Variants in GSTCD observed in about 807,000 individuals in gnomAD.
GSTCD encodes the protein glutathione S-transferase C-terminal domain containing, also known as glutathione S-transferase C-terminal domain-containing protein.
In GSTCD, 44 loss-of-function variants were observed where a neutral mutation model predicts 68.3. The observed-to-expected ratio is 0.64, with a 90% CI of 0.51 to 0.83. The LOEUF (loss-of-function observed/expected upper bound fraction) is 0.83. Among genes scored for constraint, GSTCD ranks in the 40% least tolerant of loss-of-function variants. GSTCD has a pLI of 0.00. For synonymous variants in GSTCD, 273 were observed against 255.2 expected (o/e 1.07, Z -0.67); for missense variants, 739 against 735.9 (o/e 1.00, Z -0.05).
intron 1 of GSTCD, among the ~76,000 whole-genome samples, chr4:105,717,122 G>T (rs1164233110): frequency 6.6e-6 from 1 of 152,086 alleles, no homozygotes; most frequent in African/African-American, 2.4e-5. Flanking sequence ...CTTACTTGAG[G>T]AGAATCCACT....
At chr4:105,717,496 A>C in intron 1 of GSTCD, 97 bp from the exon 2 acceptor site, 1 of 778,782 alleles carries the variant, frequency 1.3e-6, no homozygotes, top group Non-Finnish European at 2.0e-6. Flanking sequence ...GCAAATTTTT[A>C]CTGATTTCTA....
chr4:105,832,350 C>T (rs1442834100), intron 8 of GSTCD, among the ~76,000 whole-genome samples: 1 of 151,986 alleles, frequency 6.6e-6, no homozygotes, highest in Non-Finnish European at 1.5e-5. Flanking sequence ...GCAGTAAAAC[C>T]TTTTCGACCA....
intron 2 of GSTCD, among the ~76,000 whole-genome samples, chr4:105,718,751 C>T (rs1049538842): frequency 6.6e-6 from 1 of 152,038 alleles, no homozygotes; most frequent in African/African-American, 2.4e-5. Context: ...TAAATAGGAG[C>T]TCAAATAGCA....
At chr4:105,716,143 A>G (rs1732672252) in intron 1 of GSTCD, among the ~76,000 whole-genome samples, 1 of 152,336 alleles carries the variant, frequency 6.6e-6, no homozygotes, top group Non-Finnish European at 1.5e-5. Flanking sequence ...ATTTTTACTC[A>G]TGGAACATTC....
intron 8 of GSTCD, among the ~76,000 whole-genome samples, chr4:105,832,785 C>T (rs1408883887): frequency 6.6e-6 from 1 of 152,198 alleles, no homozygotes; most frequent in Admixed American, 6.5e-5. Context: ...AGTTTGCTTT[C>T]CCTCCAGGGG....
At chr4:105,793,408 G>GT (rs200682490) in intron 5 of GSTCD, among the ~76,000 whole-genome samples, 16,373 of 147,424 alleles carry the variant, frequency 0.11, 1,339 homozygotes, top group African/African-American at 0.22. Flanking sequence ...TCATGATTAT[G>GT]TTTTTTTTTT....
chr4:105,748,489 G>A (rs1029798774), intron 5 of GSTCD, among the ~76,000 whole-genome samples: 2 of 151,856 alleles, frequency 1.3e-5, no homozygotes, highest in African/African-American at 4.8e-5. Context: ...TTCTCAATAC[G>A]CATTTTGTTG....
At chr4:105,762,243 A>C (rs1054167225) in intron 5 of GSTCD, among the ~76,000 whole-genome samples, 1 of 152,206 alleles carries the variant, frequency 6.6e-6, no homozygotes, top group Non-Finnish European at 1.5e-5. Flanking sequence ...TTATAATAAT[A>C]GGTTATATAT....
chr4:105,754,965 AT>A (rs1329937247), intron 5 of GSTCD, among the ~76,000 whole-genome samples: 23 of 145,094 alleles, frequency 1.6e-4, no homozygotes, highest in South Asian at 1.1e-3. Flanking sequence ...CATTCCTGTA[AT>A]CCCAGCACTT....
chr4:105,787,308 A>T (rs1735501754), intron 5 of GSTCD, among the ~76,000 whole-genome samples: 2 of 152,114 alleles, frequency 1.3e-5, no homozygotes, highest in Non-Finnish European at 2.9e-5. Flanking sequence ...TTTTCTAAGC[A>T]GTCTCCAGAT....
intron 5 of GSTCD, among the ~76,000 whole-genome samples, chr4:105,757,106 A>G (rs1734226613): frequency 6.6e-6 from 1 of 152,120 alleles, no homozygotes; most frequent in African/African-American, 2.4e-5. Context: ...CACATAACTT[A>G]TTTCAGTTCG....
At chr4:105,804,171 G>A (rs1031342842) in intron 5 of GSTCD, among the ~76,000 whole-genome samples, 25 of 151,898 alleles carry the variant, frequency 1.6e-4, no homozygotes, top group African/African-American at 6.0e-4. Flanking sequence ...TGTCAGATTG[G>A]TGATTCATTA....
intron 11 of GSTCD, 49 bp from the exon 12 acceptor site, chr4:105,845,392 G>C: frequency 6.2e-7 from 1 of 1,610,104 alleles, no homozygotes; most frequent in Non-Finnish European, 8.5e-7. Context: ...AACTGAAACT[G>C]TCCTGCTAGT....
chr4:105,796,086 T>G (rs1273046526), intron 5 of GSTCD, among the ~76,000 whole-genome samples: 3 of 152,212 alleles, frequency 2.0e-5, no homozygotes, highest in African/African-American at 7.2e-5. Flanking sequence ...GACTGGATAA[T>G]TTATACAGGA....
chr4:105,819,370 T>C (rs1002659231), intron 5 of GSTCD, among the ~76,000 whole-genome samples: 2 of 151,834 alleles, frequency 1.3e-5, no homozygotes, highest in African/African-American at 4.8e-5. Flanking sequence ...ACATTTCTAT[T>C]TTATCTTCAA....
chr4:105,835,818 G>A lies in GSTCD; in HGVS notation c.1664+1224G>A, dbSNP rs555035396. 1.1e-4 allele frequency among the ~76,000 whole-genome samples: 16 copies of A among 152,250 alleles called. No individual in the cohort carries two copies. In the South Asian group the frequency reaches 3.3e-3, roughly 32 times the overall value. On this transcript the variant is annotated intron_variant, in intron 9 of 11. Coordinates refer to ENST00000515279, the MANE Select transcript of GSTCD (RefSeq NM_001370181.1). ...ATTGGAGGATGAGCAAGGCAAAGAG[G>A]TGCTTTATTGAGCAACAGTACAGCT...
At chr4:105,725,217 G>C (rs1560795771) in intron 3 of GSTCD, among the ~76,000 whole-genome samples, 1 of 151,986 alleles carries the variant, frequency 6.6e-6, no homozygotes, top group Non-Finnish European at 1.5e-5. Flanking sequence ...CCATTGTATA[G>C]CTGTACCACA....
chr4:105,827,914 T>C (rs1723716273), intron 8 of GSTCD, among the ~76,000 whole-genome samples: 1 of 152,126 alleles, frequency 6.6e-6, no homozygotes. Flanking sequence ...TTTTATAATA[T>C]GTGTATTAAT....
intron 2 of GSTCD, 136 bp downstream of exon 2, chr4:105,718,175 A>C (rs1346662223): frequency 1.5e-6 from 1 of 684,074 alleles, no homozygotes. Context: ...AATGAAATAA[A>C]GTAGCCCTTT....
Sources: gnomAD v4.1 joint callset for allele counts (sites outside exome capture counted in the v4.1 genomes callset) on GRCh38, gnomAD v4.1.1 for gene constraint, MANE v1.5 for transcripts, NCBI Gene and HGNC (gene_info 2026-07-23, HGNC 2026-07-21) for gene names.